Variants in CRB1 observed in about 807,000 individuals in gnomAD.
The protein encoded by CRB1 is crumbs cell polarity complex component 1, also known as protein crumbs homolog 1.
In CRB1, 83 loss-of-function variants were observed where a neutral mutation model predicts 120.0. The observed-to-expected ratio is 0.69, with a 90% CI of 0.58 to 0.83. The LOEUF (loss-of-function observed/expected upper bound fraction) is 0.83. CRB1 is among the 40% of genes least tolerant of loss of function. The pLI, the probability that CRB1 is intolerant of heterozygous loss-of-function variation, is 0.00. For synonymous variants in CRB1, 625 were observed against 612.5 expected (o/e 1.02, Z -0.30); for missense variants, 1,699 against 1,687.6 (o/e 1.01, Z -0.12).
chr1:197,420,047 T>C (rs1302469851), intron 5 of CRB1, among the ~76,000 whole-genome samples: 2 of 151,868 alleles, frequency 1.3e-5, no homozygotes, highest in Non-Finnish European at 2.9e-5. Flanking sequence ...AGAAGTGCTT[T>C]GGAACTTAGA....
chr1:197,375,925 A>G (rs541887422), intron 5 of CRB1, among the ~76,000 whole-genome samples: 133 of 152,246 alleles, frequency 8.7e-4, no homozygotes, highest in Non-Finnish European at 1.4e-3. Flanking sequence ...TAACCTCCCC[A>G]TTAAGGCAGT....
chr1:197,286,932 C>A (rs953705423), intron 1 of CRB1, among the ~76,000 whole-genome samples: 5 of 151,750 alleles, frequency 3.3e-5, no homozygotes, highest in African/African-American at 1.2e-4. Context: ...ATTTTGAATT[C>A]TATTAATTTT....
the CRB1 span, among the ~76,000 whole-genome samples, chr1:197,204,986 T>G: frequency 6.6e-6 from 1 of 152,164 alleles, no homozygotes; most frequent in Non-Finnish European, 1.5e-5. Context: ...CTTGGTTAGG[T>G]GTATTCCTAA....
At chr1:197,309,600 A>G (rs947750998) in intron 1 of CRB1, among the ~76,000 whole-genome samples, 2 of 151,900 alleles carry the variant, frequency 1.3e-5, no homozygotes, top group African/African-American at 2.4e-5. Context: ...TAAAAATACA[A>G]AAAATTAGCT....
intron 5 of CRB1, among the ~76,000 whole-genome samples, chr1:197,405,943 G>C (rs906659072): frequency 6.6e-5 from 10 of 150,748 alleles, no homozygotes; most frequent in Non-Finnish European, 1.5e-4. Context: ...TCCCGTCCGG[G>C]AGGGAGGTGG....
At chr1:197,471,750 T>G (rs1256684990) in intron 11 of CRB1, among the ~76,000 whole-genome samples, 1 of 152,210 alleles carries the variant, frequency 6.6e-6, no homozygotes, top group Non-Finnish European at 1.5e-5. Context: ...ATATTAATTT[T>G]AAAAACAGAG....
chr1:197,442,555 A>G lies in CRB1; in HGVS notation c.4005+263A>G, dbSNP rs1665506388. The G allele has an allele frequency of 2.1e-6, 3 of 1,428,306 alleles. No individual in the cohort carries two copies. The African/African-American group carries it at 4.3e-5, about 21-fold the overall frequency. 88.5% of individuals were successfully genotyped at this position (1,428,306 alleles called of 1,614,324 possible). ...TTAAGGTAAATTCAAGGCTTATTTT[A>G]AACATATCAGAAGCACTTTGTCTGT... On this transcript the variant is annotated intron_variant, in intron 11 of 11. Transcript: ENST00000367400.
At chr1:197,395,574 A>G (rs915989710) in intron 5 of CRB1, among the ~76,000 whole-genome samples, 3 of 152,136 alleles carry the variant, frequency 2.0e-5, no homozygotes, top group Non-Finnish European at 2.9e-5. Flanking sequence ...TATAATTTTT[A>G]GTCTTTAAGG....
At chr1:197,319,278 A>AAAAAAAAAAAAT (rs1230106700) in intron 1 of CRB1, among the ~76,000 whole-genome samples, 1 of 141,938 alleles carries the variant, frequency 7.0e-6, no homozygotes, top group African/African-American at 2.6e-5. Context: ...AAAAAAAAAA[A>AAAAAAAAAAAAT]TTAGCCGGAC....
chr1:197,405,346 G>A (rs548190177), intron 5 of CRB1, among the ~76,000 whole-genome samples: 1 of 152,002 alleles, frequency 6.6e-6, no homozygotes. Flanking sequence ...CCGAGGTGCC[G>A]GGATTGCAGA....
chr1:197,368,436 A>T (rs1661196744), intron 5 of CRB1, among the ~76,000 whole-genome samples: 1 of 152,186 alleles, frequency 6.6e-6, no homozygotes, highest in Non-Finnish European at 1.5e-5. Context: ...ATAACTATTT[A>T]CGCTTGTACT....
the CRB1 span, among the ~76,000 whole-genome samples, chr1:197,230,297 T>C: frequency 6.6e-6 from 1 of 151,380 alleles, no homozygotes. Flanking sequence ...CTATACTAAA[T>C]ATTTTTTGAT....
intron 8 of CRB1, among the ~76,000 whole-genome samples, chr1:197,433,762 A>G (rs1221369307): frequency 1.3e-5 from 2 of 152,144 alleles, no homozygotes; most frequent in East Asian, 3.9e-4. Flanking sequence ...GAGGAATAAT[A>G]TGTTTAAAAG....
chr1:197,206,491 A>G, the CRB1 span, among the ~76,000 whole-genome samples: 47 of 152,248 alleles, frequency 3.1e-4, no homozygotes, highest in African/African-American at 8.4e-4. Context: ...TTAAATTTCT[A>G]TCTTGATTTC....
chr1:197,396,266 C>T (rs949225203), intron 5 of CRB1, among the ~76,000 whole-genome samples: 2 of 151,910 alleles, frequency 1.3e-5, no homozygotes, highest in Non-Finnish European at 1.5e-5. Context: ...ATACATTTAA[C>T]AATAGTAGCA....
chr1:197,410,543 T>C (rs917749143), intron 5 of CRB1, among the ~76,000 whole-genome samples: 3 of 152,228 alleles, frequency 2.0e-5, no homozygotes, highest in Non-Finnish European at 4.4e-5. Context: ...TGGAACCACA[T>C]GCTATGAACA....
At chr1:197,412,913 T>C (rs1663784638) in intron 5 of CRB1, among the ~76,000 whole-genome samples, 1 of 152,198 alleles carries the variant, frequency 6.6e-6, no homozygotes, top group Admixed American at 6.5e-5. Context: ...TTATCTGACC[T>C]CAGTTACCTG....
intron 1 of CRB1, among the ~76,000 whole-genome samples, chr1:197,275,944 A>C (rs1655183853): frequency 6.6e-6 from 1 of 151,862 alleles, no homozygotes; most frequent in African/African-American, 2.4e-5. Context: ...AAAATTTCTG[A>C]AAGGAAGAAG....
intron 1 of CRB1, among the ~76,000 whole-genome samples, chr1:197,308,157 G>A (rs777461675): frequency 1.2e-4 from 19 of 152,140 alleles, no homozygotes; most frequent in Admixed American, 2.0e-4. Context: ...GCTGGAGGCC[G>A]TAATCCTAAG....
Sources: allele counts gnomAD v4.1 joint callset (sites outside exome capture counted in the v4.1 genomes callset), GRCh38; gene constraint gnomAD v4.1.1; transcripts MANE v1.5; gene names NCBI Gene and HGNC (gene_info 2026-07-23, HGNC 2026-07-21).